The following CNTN4 variants were observed in gnomAD, a reference collection of about 807,000 sequenced individuals.
CNTN4 encodes contactin-4.
Under a neutral mutation model 122.5 loss-of-function variants are expected in CNTN4, and 77 were observed. The ratio of observed to expected loss-of-function variants is 0.63; its 90% confidence interval spans 0.52 to 0.76. The LOEUF is 0.76. CNTN4 is among the 30% of genes least tolerant of loss of function. The pLI is 0.00. For synonymous variants in CNTN4, 512 were observed against 447.0 expected (o/e 1.15, Z -1.83); for missense variants, 1,256 against 1,259.1 (o/e 1.00, Z 0.04).
At chr3:2,747,205 C>G (rs1022418872) in intron 6 of CNTN4, among the ~76,000 whole-genome samples, 17 of 152,014 alleles carry the variant, frequency 1.1e-4, no homozygotes, top group African/African-American at 3.1e-4. Context: ...GTCAGGAGAT[C>G]GAGACCATCC....
At chr3:2,854,352 A>C (rs1372950498) in intron 7 of CNTN4, among the ~76,000 whole-genome samples, 1 of 136,132 alleles carries the variant, frequency 7.3e-6, no homozygotes, top group Non-Finnish European at 1.5e-5. Flanking sequence ...GGCTCATTGC[A>C]AACTTCACCT....
intron 5 of CNTN4, among the ~76,000 whole-genome samples, chr3:2,740,984 C>T (rs558316397): frequency 6.6e-6 from 1 of 152,152 alleles, no homozygotes; most frequent in African/African-American, 2.4e-5. Flanking sequence ...TTAAAGATCA[C>T]CAGAGAAAGA....
Position 2,948,887 on chromosome 3 carries a change from T to C in CNTN4, c.1358+23108T>C, listed in dbSNP as rs145587329. 9.4e-4 allele frequency among the ~76,000 whole-genome samples: 143 copies of C among 152,270 alleles called. 1 individual carries two copies. The highest frequency in any genetic ancestry group is 3.4e-3 in the African/African-American group (143 of 41,570). On this transcript the variant is annotated intron_variant, in intron 13 of 24. Coordinates refer to ENST00000418658, the MANE Select transcript of CNTN4 (RefSeq NM_175607.3). ...GATAAGGGGTTATGTATTAGACCAT[T>C]TTTAAAAAGGTAAAATAAACTAAGG... is the stretch of plus-strand genomic sequence containing the variant.
chr3:2,402,467 A>C (rs953295576), intron 3 of CNTN4, among the ~76,000 whole-genome samples: 1 of 152,126 alleles, frequency 6.6e-6, no homozygotes, highest in Non-Finnish European at 1.5e-5. Flanking sequence ...GGATATTTTG[A>C]AACAAACATA....
chr3:2,828,365 A>T (rs1470890501), intron 7 of CNTN4, among the ~76,000 whole-genome samples: 1 of 152,144 alleles, frequency 6.6e-6, no homozygotes, highest in Admixed American at 6.5e-5. Flanking sequence ...CAGTAGGTTA[A>T]CACTGACCGT....
intron 13 of CNTN4, among the ~76,000 whole-genome samples, chr3:2,987,804 G>A (rs889742478): frequency 2.0e-5 from 3 of 152,110 alleles, no homozygotes; most frequent in South Asian, 2.1e-4. Flanking sequence ...GTCACGCTGA[G>A]TCGTGGAATA....
In CNTN4 at chr3:2,718,266, A is replaced by G. The variant is rs577219896; in HGVS notation, c.56-17949A>G. On this transcript the variant is annotated intron_variant, in intron 4 of 24. Coordinates refer to ENST00000418658, the MANE Select transcript of CNTN4 (RefSeq NM_175607.3). The stretch of plus-strand genomic sequence containing the variant: ...TTTTTTTAACCCTTTAACGTTTGCT[A>G]TGTTGATAGCATACTGATTTCTCTA... 3.0e-4 allele frequency among the ~76,000 whole-genome samples: 45 copies of G among 152,006 alleles called. No homozygotes were observed. The East Asian group carries it at 7.5e-3, about 25-fold the overall frequency.
intron 4 of CNTN4, among the ~76,000 whole-genome samples, chr3:2,670,189 G>A (rs902043982): frequency 6.6e-5 from 10 of 152,134 alleles, no homozygotes; most frequent in Admixed American, 6.5e-5. Context: ...GTTGACAGTG[G>A]GGTGTTGAAA....
intron 2 of CNTN4, among the ~76,000 whole-genome samples, chr3:2,337,422 T>C (rs2044000326): frequency 6.6e-6 from 1 of 152,200 alleles, no homozygotes; most frequent in Non-Finnish European, 1.5e-5. Context: ...ATGTTACTGC[T>C]ACTAGTGGAT....
chr3:2,790,044 A>T (rs1323568717), intron 6 of CNTN4, among the ~76,000 whole-genome samples: 1 of 152,212 alleles, frequency 6.6e-6, no homozygotes, highest in Non-Finnish European at 1.5e-5. Context: ...CATTTACCAC[A>T]TGCCACGTTA....
At chr3:2,960,212 T>C (rs1281155564) in intron 13 of CNTN4, among the ~76,000 whole-genome samples, 1 of 152,182 alleles carries the variant, frequency 6.6e-6, no homozygotes, top group African/African-American at 2.4e-5. Context: ...GGAAAACTTT[T>C]GTCAAGGTGT....
intron 6 of CNTN4, among the ~76,000 whole-genome samples, chr3:2,793,493 A>G (rs2092076305): frequency 6.6e-6 from 1 of 152,038 alleles, no homozygotes; most frequent in South Asian, 2.1e-4. Flanking sequence ...TTAATTACGG[A>G]TGTTTGCCTT....
At chr3:3,004,447 G>A (rs1366495962) in intron 14 of CNTN4, among the ~76,000 whole-genome samples, 1 of 152,160 alleles carries the variant, frequency 6.6e-6, no homozygotes, top group East Asian at 1.9e-4. Context: ...CACCGTACCT[G>A]ATATTTAAGG....
intron 4 of CNTN4, among the ~76,000 whole-genome samples, chr3:2,628,980 A>T (rs2150014472): frequency 6.6e-6 from 1 of 152,318 alleles, no homozygotes; most frequent in South Asian, 2.1e-4. Context: ...CTGCTGTTAC[A>T]GTGGACCTTC....
At chr3:2,347,548 T>A (rs1300681168) in intron 3 of CNTN4, among the ~76,000 whole-genome samples, 1 of 151,134 alleles carries the variant, frequency 6.6e-6, no homozygotes, top group African/African-American at 2.4e-5. Context: ...TAACTGGGAT[T>A]ACAGGTGCCC....
At chr3:2,184,990 A>G (rs928496792) in intron 2 of CNTN4, among the ~76,000 whole-genome samples, 13 of 152,176 alleles carry the variant, frequency 8.5e-5, no homozygotes, top group Middle Eastern at 3.2e-3. Context: ...AGAGTGGTCT[A>G]CAATCACAGG....
In CNTN4 at chr3:2,603,417, C is replaced by A. The variant is rs115191531; in HGVS notation, c.55+31859C>A. ...GAAGTCCTGGTTTATCGGTATTTTT[C>A]TGTGGTGAGAGAAGCAGGTAATCAA... On this transcript the variant is annotated intron_variant, in intron 4 of 24. Transcript: ENST00000418658. Among the ~76,000 whole-genome samples, 358 of 152,170 alleles carry A rather than the reference C, an allele frequency of 2.4e-3. 2 individuals carry two copies. The highest frequency in any genetic ancestry group is 8.2e-3 in the African/African-American group (340 of 41,522).
intron 3 of CNTN4, among the ~76,000 whole-genome samples, chr3:2,513,608 A>G (rs1361920621): frequency 3.3e-5 from 5 of 152,126 alleles, no homozygotes; most frequent in Non-Finnish European, 7.3e-5. Context: ...TTTTCCATTC[A>G]AATATTTAGA....
intron 2 of CNTN4, among the ~76,000 whole-genome samples, chr3:2,239,570 G>T (rs1022606651): frequency 1.3e-5 from 2 of 152,136 alleles, no homozygotes; most frequent in Non-Finnish European, 1.5e-5. Context: ...CCTAAGCTCA[G>T]TTCCTTATTT....
Sources: allele counts gnomAD v4.1 joint callset (sites outside exome capture counted in the v4.1 genomes callset), GRCh38; gene constraint gnomAD v4.1.1; transcripts MANE v1.5; gene names NCBI Gene and HGNC (gene_info 2026-07-23, HGNC 2026-07-21).